The following GRM8 variants were observed in gnomAD, a reference collection of about 807,000 sequenced individuals.
GRM8 encodes the protein glutamate metabotropic receptor 8, also known as metabotropic glutamate receptor 8.
In GRM8, 47 loss-of-function variants were observed where a neutral mutation model predicts 87.2. The ratio of observed to expected loss-of-function variants is 0.54; its 90% confidence interval spans 0.43 to 0.69. The LOEUF (loss-of-function observed/expected upper bound fraction) is 0.69, where lower values mean the gene tolerates loss of function less well. Ranked by LOEUF, GRM8 falls within the 30% of genes least tolerant of loss-of-function variation. The pLI, the probability that GRM8 is intolerant of heterozygous loss-of-function variation, is 0.00. For missense variants in GRM8, 1,019 were observed against 1,139.2 expected, an observed-to-expected ratio of 0.89 and a Z score of 1.52; for synonymous variants, 396 against 404.5, an observed-to-expected ratio of 0.98 and a Z score of 0.25.
intron 3 of GRM8, among the ~76,000 whole-genome samples, chr7:127,022,495 A>T (rs1816375189): frequency 6.6e-6 from 1 of 151,958 alleles, no homozygotes; most frequent in Admixed American, 6.6e-5. Context: ...CTGACAGGGG[A>T]AGAGAGATGG....
intron 6 of GRM8, among the ~76,000 whole-genome samples, chr7:126,879,001 A>G (rs1281180887): frequency 2.0e-5 from 3 of 151,994 alleles, no homozygotes; most frequent in Admixed American, 6.5e-5. Flanking sequence ...CGTCTCTACT[A>G]AAAATACAAA....
At chr7:126,781,965 C>T (rs1405107075) in intron 6 of GRM8, among the ~76,000 whole-genome samples, 2 of 152,174 alleles carry the variant, frequency 1.3e-5, no homozygotes, top group Non-Finnish European at 2.9e-5. Flanking sequence ...ATCTTCCCAT[C>T]TTGGCCTCTC....
chr7:126,894,759 G>A (rs1344429514), intron 6 of GRM8, among the ~76,000 whole-genome samples: 1 of 152,018 alleles, frequency 6.6e-6, no homozygotes, highest in Non-Finnish European at 1.5e-5. Flanking sequence ...GTTCTTCAGA[G>A]CAGGAAAGGA....
At chr7:126,858,531 A>G (rs970195503) in intron 6 of GRM8, among the ~76,000 whole-genome samples, 2 of 152,154 alleles carry the variant, frequency 1.3e-5, no homozygotes, top group Non-Finnish European at 2.9e-5. Flanking sequence ...CTTGGCTCCA[A>G]CAGATAAAGG....
chr7:126,855,492 G>C (rs995720451), intron 6 of GRM8, among the ~76,000 whole-genome samples: 1 of 129,420 alleles, frequency 7.7e-6, no homozygotes, highest in Non-Finnish European at 1.6e-5. Context: ...TTTTTTTTGA[G>C]ACAGAGTCTC....
At chr7:126,986,792 T>A (rs1812118695) in intron 3 of GRM8, among the ~76,000 whole-genome samples, 1 of 152,234 alleles carries the variant, frequency 6.6e-6, no homozygotes, top group South Asian at 2.1e-4. Flanking sequence ...ATAAGTCATA[T>A]CAAAGACAAC....
intron 8 of GRM8, among the ~76,000 whole-genome samples, chr7:126,540,105 A>G (rs1816361202): frequency 6.6e-6 from 1 of 152,130 alleles, no homozygotes; most frequent in African/African-American, 2.4e-5. Context: ...TTAAAATTCA[A>G]CAGTTAAAAG....
chr7:126,802,603 A>G (rs952516713), intron 6 of GRM8, among the ~76,000 whole-genome samples: 13 of 152,220 alleles, frequency 8.5e-5, no homozygotes, highest in Admixed American at 5.2e-4. Context: ...GATAAGTGGA[A>G]TAAGTTAGAA....
chr7:126,993,381 G>A (rs925826557), intron 3 of GRM8, among the ~76,000 whole-genome samples: 3 of 152,156 alleles, frequency 2.0e-5, no homozygotes, highest in African/African-American at 4.8e-5. Context: ...CATATGCTAC[G>A]ACATAGATGA....
intron 6 of GRM8, among the ~76,000 whole-genome samples, chr7:126,808,666 G>C (rs1457117745): frequency 6.6e-6 from 1 of 152,134 alleles, no homozygotes; most frequent in South Asian, 2.1e-4. Context: ...TTGGGCTCTT[G>C]AGTAAAAAAC....
intron 7 of GRM8, among the ~76,000 whole-genome samples, chr7:126,750,154 T>C (rs201170042): frequency 6.6e-6 from 1 of 152,092 alleles, no homozygotes; most frequent in East Asian, 1.9e-4. Context: ...GGGCAATGAA[T>C]GAACTACCAA....
At chr7:127,025,208 G>A (rs1257008558) in intron 3 of GRM8, among the ~76,000 whole-genome samples, 1 of 151,956 alleles carries the variant, frequency 6.6e-6, no homozygotes, top group East Asian at 1.9e-4. Flanking sequence ...GGCTCTTCCT[G>A]TTCCCAGAAC....
At chr7:126,932,871 T>C (rs1004262035) in intron 3 of GRM8, among the ~76,000 whole-genome samples, 3 of 152,172 alleles carry the variant, frequency 2.0e-5, no homozygotes, top group East Asian at 1.9e-4. Context: ...GAGAGATAGA[T>C]GGATTCCCTC....
Position 126,533,616 on chromosome 7 carries a change from A to G in GRM8, c.1766T>C (p.Phe589Ser). 6.2e-7 allele frequency: 1 copy of G among 1,614,124 alleles called. No homozygotes were observed. The highest frequency in any genetic ancestry group is 8.5e-7 in the Non-Finnish European group (1 of 1,180,014). ...GGCGATGATTCCCAATATTGCAACA[A>G]ACACAGGCACCACAGCCCAGGGAGA... ...WHSPWAVVPV[F>S]VAILGIIATT... Residue 589 changes from phenylalanine to serine, a missense_variant, in exon 9 of 11, where the codon TTT becomes TCT. By Grantham distance (155) the Phe-to-Ser change is radical. Transcript: ENST00000339582.
At chr7:127,125,589 C>G (rs1356589189) in intron 2 of GRM8, among the ~76,000 whole-genome samples, 1 of 151,826 alleles carries the variant, frequency 6.6e-6, no homozygotes, top group Non-Finnish European at 1.5e-5. Context: ...ACCTCAGAAG[C>G]ACAAGAAACC....
chr7:126,595,293 A>G (rs1321998996), intron 8 of GRM8, among the ~76,000 whole-genome samples: 3 of 151,924 alleles, frequency 2.0e-5, no homozygotes, highest in Non-Finnish European at 2.9e-5. Flanking sequence ...GTGCAGTGAC[A>G]TGATCGCAGT....
chr7:126,699,822 T>C (rs1809742941), intron 7 of GRM8, among the ~76,000 whole-genome samples: 1 of 152,144 alleles, frequency 6.6e-6, no homozygotes, highest in African/African-American at 2.4e-5. Flanking sequence ...GCTGGCTGCA[T>C]CTCTCCAGTT....
intron 3 of GRM8, among the ~76,000 whole-genome samples, chr7:127,043,465 G>A (rs1312100506): frequency 2.6e-5 from 4 of 152,160 alleles, no homozygotes; most frequent in African/African-American, 9.7e-5. Context: ...GTCCTTTGTA[G>A]GGACATGGAT....
chr7:127,159,384 T>C (rs942148109), intron 2 of GRM8, among the ~76,000 whole-genome samples: 1 of 152,168 alleles, frequency 6.6e-6, no homozygotes, highest in Admixed American at 6.5e-5. Context: ...GATGACCTAA[T>C]TAATTGTTAC....
Sources: gnomAD v4.1 joint callset for allele counts (sites outside exome capture counted in the v4.1 genomes callset) on GRCh38, gnomAD v4.1.1 for gene constraint, MANE v1.5 for transcripts, NCBI Gene and HGNC (gene_info 2026-07-23, HGNC 2026-07-21) for gene names.